Variants in EWSR1 observed in about 807,000 individuals in gnomAD.
The protein encoded by EWSR1 is RNA-binding protein EWS.
Under a neutral mutation model 92.1 loss-of-function variants are expected in EWSR1, and 14 were observed. That is an observed-to-expected ratio of 0.15 (90% CI 0.10 to 0.24). The LOEUF (loss-of-function observed/expected upper bound fraction) is 0.24. EWSR1 is among the 10% of genes least tolerant of loss of function. EWSR1 has a pLI of 1.00. For synonymous variants in EWSR1, 303 were observed against 292.9 expected, an observed-to-expected ratio of 1.03 and a Z score of -0.35; for missense variants, 637 against 870.9, an observed-to-expected ratio of 0.73 and a Z score of 3.38.
At chr22:29,299,428 C>T (rs2061157820) in intron 15 of EWSR1, 97 bp downstream of exon 15, 1 of 1,522,688 alleles carries the variant, frequency 6.6e-7, no homozygotes, top group South Asian at 1.3e-5. Context: ...CTCTGCTTAA[C>T]AACTTTGAGT....
In EWSR1 at chr22:29,278,046, T is replaced by C. The variant is rs2059255273; in HGVS notation, c.243T>C (p.Thr81=). ...TTGTTCTAGGTTATACTACTCCAAC[T>C]GCCCCCCAGGCATACAGCCAGCCTG... ...GQPPTGYTTP[T]APQAYSQPVQ... is the part of the protein sequence containing the mutation. Residue 81 remains threonine, a synonymous_variant, in exon 5 of 17, where the codon ACT becomes ACC. Coordinates refer to ENST00000397938, the MANE Select transcript of EWSR1 (RefSeq NM_005243.4). The C allele has an allele frequency of 6.2e-7, 1 of 1,613,872 alleles. No individual in the cohort carries two copies. Among genetic ancestry groups the C allele is most frequent in the Non-Finnish European group, 8.5e-7 (1 of 1,179,792 alleles).
chr22:29,292,099 C>T, intron 9 of EWSR1, 38 bp from the exon 10 acceptor site: 1 of 1,592,744 alleles, frequency 6.3e-7, no homozygotes, highest in East Asian at 2.2e-5. Context: ...GCAAGACGTG[C>T]ACTAATAATA....
At chr22:29,268,996 G>A (rs187645837) in intron 1 of EWSR1, among the ~76,000 whole-genome samples, 7 of 152,268 alleles carry the variant, frequency 4.6e-5, no homozygotes, top group African/African-American at 1.4e-4. Context: ...CCCTCCTCCA[G>A]GGCCCCCAGT....
intron 5 of EWSR1, among the ~76,000 whole-genome samples, chr22:29,282,147 T>A (rs1382844977): frequency 6.6e-6 from 1 of 152,214 alleles, no homozygotes; most frequent in African/African-American, 2.4e-5. Flanking sequence ...TAATGTCTCT[T>A]CTGTGGATAT....
Position 29,272,182 on chromosome 22 carries a change from C to G in EWSR1, c.14-34C>G, listed in dbSNP as rs752106445. 6.9e-6 allele frequency: 11 copies of G among 1,605,248 alleles called. 1 individual carries two copies. The South Asian group carries it at 1.2e-4, about 18-fold the overall frequency. On this transcript the variant is annotated intron_variant, in intron 1 of 16. Transcript: ENST00000397938. ...TTTCTCTTCTCCTTGTTTCTGCTAA[C>G]TTTACACTATTTTTCCTCCTTGTTT...
rs533030001 is a variant in EWSR1, at chr22:29,273,998, G to A, written c.226+134G>A. On this transcript the variant is annotated intron_variant, in intron 4 of 16. Transcript: ENST00000397938. ...GGGGAATCCTTTATTCTTAGGAAGA[G>A]GTATTTTTTCTCTTTCTTCCCTACT... The A allele has an allele frequency of 4.9e-6, 6 of 1,213,480 alleles. No individual in the cohort carries two copies. In the East Asian group the frequency reaches 1.2e-4, roughly 24 times the overall value. 75.2% of individuals were successfully genotyped at this position (1,213,480 alleles called of 1,614,324 possible). A position where few individuals can be genotyped will look rare whatever the true frequency, so the allele number is the denominator to read the frequency against.
intron 13 of EWSR1, among the ~76,000 whole-genome samples, chr22:29,298,203 C>T (rs1459938747): frequency 6.6e-6 from 1 of 152,148 alleles, no homozygotes; most frequent in East Asian, 1.9e-4. Context: ...ATGCCTATTC[C>T]TTACAGAATT....
chr22:29,282,108 T>C (rs894503063), intron 5 of EWSR1, among the ~76,000 whole-genome samples: 2 of 152,208 alleles, frequency 1.3e-5, no homozygotes, highest in African/African-American at 4.8e-5. Context: ...CGCACTTTTA[T>C]AGCGTTTACT....
intron 3 of EWSR1, among the ~76,000 whole-genome samples, chr22:29,272,753 G>A (rs924193256): frequency 6.6e-6 from 1 of 152,182 alleles, no homozygotes; most frequent in African/African-American, 2.4e-5. Flanking sequence ...AAAGGAAGAG[G>A]ATGATATGAC....
chr22:29,271,565 G>A (rs966586783), intron 1 of EWSR1, among the ~76,000 whole-genome samples: 4 of 152,108 alleles, frequency 2.6e-5, no homozygotes, highest in Non-Finnish European at 5.9e-5. Context: ...CAGTCTTCAG[G>A]GTTCTGCCTT....
intron 15 of EWSR1, 47 bp downstream of exon 15, chr22:29,299,378 C>T (rs1208954017): frequency 3.8e-6 from 6 of 1,578,544 alleles, no homozygotes; most frequent in Admixed American, 1.8e-5. Flanking sequence ...TGGTGCTAAA[C>T]CTCTTTTCTT....
chr22:29,272,342 G>A, intron 2 of EWSR1, 38 bp from the exon 3 acceptor site: 1 of 1,610,490 alleles, frequency 6.2e-7, no homozygotes, highest in Non-Finnish European at 8.5e-7. Flanking sequence ...GTATTTGAAT[G>A]TTCTCTATTC....
intron 5 of EWSR1, among the ~76,000 whole-genome samples, chr22:29,280,862 GTTTTTTTTTTTTTTTTTTTTTT>G (rs71196650): frequency 3.0e-4 from 19 of 62,902 alleles, no homozygotes; most frequent in Non-Finnish European, 4.7e-4. Flanking sequence ...TGTGTGTGTT[GTTTTTTTTTTTTTTTTTTTTTT>G]TTTTTTTTTT....
intron 1 of EWSR1, 96 bp downstream of exon 1, chr22:29,268,445 G>A: frequency 1.2e-6 from 2 of 1,607,640 alleles, no homozygotes; most frequent in Non-Finnish European, 1.7e-6. Context: ...ACTGAGTGGA[G>A]TTGCCGAGAG....
At chr22:29,281,800 T>C (rs1220888515) in intron 5 of EWSR1, among the ~76,000 whole-genome samples, 1 of 151,118 alleles carries the variant, frequency 6.6e-6, no homozygotes, top group Non-Finnish European at 1.5e-5. Flanking sequence ...TTAGCCAGGA[T>C]GGTCTCAATC....
intron 6 of EWSR1, among the ~76,000 whole-genome samples, chr22:29,283,554 T>C (rs1160348005): frequency 1.3e-5 from 2 of 151,000 alleles, no homozygotes; most frequent in African/African-American, 5.0e-5. Flanking sequence ...AGATGGAGTT[T>C]CGCTCTTGTT....
At chr22:29,268,708 G>C (rs1205462903) in intron 1 of EWSR1, among the ~76,000 whole-genome samples, 1 of 152,236 alleles carries the variant, frequency 6.6e-6, no homozygotes, top group African/African-American at 2.4e-5. Context: ...ATTTGGCCAG[G>C]CCTCAAGCCG....
chr22:29,272,206 T>C lies in EWSR1; in HGVS notation c.14-10T>C, dbSNP rs763801144. 3.7e-6 allele frequency: 6 copies of C among 1,613,664 alleles called. No homozygotes were observed. The highest frequency in any genetic ancestry group is 5.1e-6 in the Non-Finnish European group (6 of 1,179,582). On this transcript the variant is annotated splice_polypyrimidine_tract_variant and intron_variant, in intron 1 of 16. Coordinates refer to ENST00000397938, the MANE Select transcript of EWSR1 (RefSeq NM_005243.4). ...ACTTTACACTATTTTTCCTCCTTGT[T>C]TTCCTCTAGATTACAGTACCTATAG...
intron 1 of EWSR1, among the ~76,000 whole-genome samples, 171 bp from the exon 2 acceptor site, chr22:29,272,045 C>CT (rs1236670786): frequency 6.6e-6 from 1 of 152,142 alleles, no homozygotes; most frequent in South Asian, 2.1e-4. Flanking sequence ...CTGGTTTAGA[C>CT]TTTTTTTTCT....
Sources: allele counts gnomAD v4.1 joint callset (sites outside exome capture counted in the v4.1 genomes callset), GRCh38; gene constraint gnomAD v4.1.1; transcripts MANE v1.5; gene names NCBI Gene and HGNC (gene_info 2026-07-23, HGNC 2026-07-21).